ARFGEF1: variants seen among roughly 807,000 people sequenced by gnomAD.
ARFGEF1 encodes the protein brefeldin A-inhibited guanine nucleotide-exchange protein 1.
Under a neutral mutation model 231.0 loss-of-function variants are expected in ARFGEF1, and 42 were observed. The observed-to-expected ratio is 0.18, with a 90% CI of 0.14 to 0.24. The LOEUF (loss-of-function observed/expected upper bound fraction) is 0.24. Among genes scored for constraint, ARFGEF1 ranks in the 10% least tolerant of loss-of-function variants. ARFGEF1 has a pLI of 1.00. For synonymous variants in ARFGEF1, 710 were observed against 732.3 expected (o/e 0.97, Z 0.49); for missense variants, 1,345 against 2,192.0 (o/e 0.61, Z 7.72).
chr8:67,339,546 AT>A (rs1022209505), intron 1 of ARFGEF1, among the ~76,000 whole-genome samples: 3 of 152,096 alleles, frequency 2.0e-5, no homozygotes, highest in South Asian at 2.1e-4. Flanking sequence ...TTCAAGCCCA[AT>A]CCCACAACAA....
In ARFGEF1 at chr8:67,200,461, G is replaced by C; in HGVS notation, c.5320C>G (p.Arg1774Gly). ...YFLTLTSESH[R>G]EAWTNLLLLF... The stretch of plus-strand genomic sequence containing the variant: ...AGCAGTAAGTTAGTCCAGGCTTCTC[G>C]ATGACTTTCTGATGTTAGAGTGAGG... Residue 1774 changes from arginine (R) to glycine (G), a missense_variant, in exon 38 of 39, where the codon CGA becomes GGA. Arg to Gly is a moderately radical substitution (Grantham distance 125, BLOSUM62 -2). This residue lies in a region of ARFGEF1 where 161 missense variants were observed against 284.9 expected (regional missense o/e 0.57). Coordinates refer to ENST00000262215, the MANE Select transcript of ARFGEF1 (RefSeq NM_006421.5). The C allele has an allele frequency of 6.2e-7, 1 of 1,606,978 alleles. No homozygotes were observed. The highest frequency in any genetic ancestry group is 8.5e-7 in the Non-Finnish European group (1 of 1,173,532).
rs1840520441 is a variant in ARFGEF1 at position 67,258,152 on chromosome 8, C to G, written c.2374G>C (p.Gly792Arg). The change falls in exon 16 of 39, where the codon GGG becomes CGG. Residue 792 changes from glycine to arginine, a missense_variant. Transcript: ENST00000262215. ...AATCGATCGATTTTCTGAGCTTCCC[C>G]TGGAAGACGAAATCCTTCTAGAAAC... is the stretch of plus-strand genomic sequence containing the variant. ...RMFLEGFRLP[G>R]EAQKIDRLME... 2 of 1,613,986 alleles carry G rather than the reference C, an allele frequency of 1.2e-6. No individual in the cohort carries two copies. The highest frequency in any genetic ancestry group is 8.5e-7 in the Non-Finnish European group (1 of 1,179,946).
intron 1 of ARFGEF1, among the ~76,000 whole-genome samples, chr8:67,334,762 A>G (rs1177829316): frequency 6.6e-6 from 1 of 152,236 alleles, no homozygotes; most frequent in Non-Finnish European, 1.5e-5. Flanking sequence ...AACTTCATGA[A>G]TGAACCTCAA....
chr8:67,217,524 G>GA (rs1424011812), intron 32 of ARFGEF1, among the ~76,000 whole-genome samples: 16 of 151,974 alleles, frequency 1.1e-4, no homozygotes, highest in Non-Finnish European at 2.1e-4. Context: ...ATAAAAGTCA[G>GA]CAGAATCACT....
At position 67,271,784 on chromosome 8, in the gene ARFGEF1, A is replaced by G; in HGVS notation, c.1490T>C (p.Val497Ala). 1 of 1,613,912 alleles carries G rather than the reference A, an allele frequency of 6.2e-7. No individual in the cohort carries two copies. The highest frequency in any genetic ancestry group is 2.2e-5 in the East Asian group (1 of 44,780). Reference protein sequence around the residue: ...VALSKNGVSSVPEVFELSLSI... With the variant: ...VALSKNGVSSAPEVFELSLSI... Reference sequence around the variant, plus strand: ...AAGAGAAAGCTCAAAAACCTCTGGAACAGATGAGACTCCATTTTTTGAGAG... The same window carrying G: ...AAGAGAAAGCTCAAAAACCTCTGGAGCAGATGAGACTCCATTTTTTGAGAG... Residue 497 changes from valine to alanine, a missense_variant, in exon 10 of 39, where the codon GTT becomes GCT. Val to Ala is a moderately conservative substitution (Grantham distance 64). Transcript: ENST00000262215.
At chr8:67,307,271 G>C (rs2128919291) in intron 1 of ARFGEF1, among the ~76,000 whole-genome samples, 1 of 152,242 alleles carries the variant, frequency 6.6e-6, no homozygotes, top group Non-Finnish European at 1.5e-5. Flanking sequence ...ACTCACAAAG[G>C]AAAATCATCT....
intron 19 of ARFGEF1, among the ~76,000 whole-genome samples, chr8:67,244,035 T>C (rs1840015981): frequency 6.6e-6 from 1 of 150,440 alleles, no homozygotes; most frequent in Non-Finnish European, 1.5e-5. Context: ...AGATCAGGAG[T>C]TTTGAGACCA....
chr8:67,180,521 T>C (rs1832758034), intron 5 of ARFGEF1, among the ~76,000 whole-genome samples: 1 of 152,212 alleles, frequency 6.6e-6, no homozygotes, highest in East Asian at 1.9e-4. Flanking sequence ...TTTGCAGGGG[T>C]AGATACATAC....
intron 6 of ARFGEF1, among the ~76,000 whole-genome samples, chr8:67,289,015 CCTAAGAGAAACTGA>C: frequency 6.6e-6 from 1 of 151,742 alleles, no homozygotes; most frequent in Non-Finnish European, 1.5e-5. Context: ...TTCTGAATAG[CCTAAGAGAAACTGA>C]TGAAATCTGA....
At chr8:67,179,438 T>C (rs1832486080) in intron 5 of ARFGEF1, among the ~76,000 whole-genome samples, 1 of 152,198 alleles carries the variant, frequency 6.6e-6, no homozygotes, top group Non-Finnish European at 1.5e-5. Flanking sequence ...AAATAGTAAG[T>C]GGGCTATACA....
chr8:67,315,226 G>C (rs928829054), intron 1 of ARFGEF1, among the ~76,000 whole-genome samples: 7 of 152,140 alleles, frequency 4.6e-5, no homozygotes, highest in African/African-American at 1.7e-4. Context: ...AATCCTAAAT[G>C]TGTATATAAC....
intron 1 of ARFGEF1, among the ~76,000 whole-genome samples, chr8:67,317,438 G>T (rs1430311567): frequency 6.6e-6 from 1 of 152,084 alleles, no homozygotes; most frequent in African/African-American, 2.4e-5. Flanking sequence ...TTATGATGTA[G>T]TTAGCATCAG....
chr8:67,204,675 C>G lies in ARFGEF1; in HGVS notation c.4959+5G>C. The G allele has an allele frequency of 6.2e-7, 1 of 1,612,442 alleles. No homozygotes were observed. Among genetic ancestry groups the G allele is most frequent in the Non-Finnish European group, 8.5e-7 (1 of 1,179,108 alleles). ...AAAAAAGCAGCTGTCCTCCTATCTC[C>G]TTACCTGTGCTGCAGCTAAGTTTTC... On this transcript the variant is annotated splice_donor_5th_base_variant and intron_variant, in intron 35 of 38. Transcript: ENST00000262215.
intron 22 of ARFGEF1, among the ~76,000 whole-genome samples, chr8:67,236,835 CT>C (rs1839786134): frequency 6.6e-6 from 1 of 152,114 alleles, no homozygotes; most frequent in Admixed American, 6.5e-5. Flanking sequence ...TTCCCTTTTT[CT>C]GAAGGGAGAA....
At chr8:67,197,500 G>A (rs1345799041), downstream of ARFGEF1, 1 of 505,374 alleles carries the variant, frequency 2.0e-6, no homozygotes, top group Non-Finnish European at 2.6e-6. Flanking sequence ...GTATCCTATG[G>A]TAAGTACAGT....
At chr8:67,257,975 A>C in intron 16 of ARFGEF1, 110 bp downstream of exon 16, 3 of 1,198,800 alleles carry the variant, frequency 2.5e-6, no homozygotes, top group Non-Finnish European at 3.5e-6. Flanking sequence ...TAGACAATCT[A>C]AATTCTCTAA....
intron 5 of ARFGEF1, among the ~76,000 whole-genome samples, chr8:67,189,228 A>G (rs1178938267): frequency 6.6e-6 from 1 of 152,182 alleles, no homozygotes; most frequent in East Asian, 1.9e-4. Flanking sequence ...AAAAATAAGC[A>G]TATTCTTACC....
chr8:67,203,456 G>A (rs1263816028), intron 35 of ARFGEF1, among the ~76,000 whole-genome samples: 1 of 152,120 alleles, frequency 6.6e-6, no homozygotes, highest in Non-Finnish European at 1.5e-5. Flanking sequence ...AGACCCTCCT[G>A]GACTCCCAAC....
chr8:67,309,160 G>C (rs1806879848), intron 1 of ARFGEF1, among the ~76,000 whole-genome samples: 2 of 152,156 alleles, frequency 1.3e-5, no homozygotes, highest in Non-Finnish European at 2.9e-5. Context: ...AGTGAAAAAA[G>C]TCAGGCACAG....
Sources: allele counts gnomAD v4.1 joint callset (sites outside exome capture counted in the v4.1 genomes callset), GRCh38; gene constraint gnomAD v4.1.1; regional missense constraint gnomAD v4.1.1; transcripts MANE v1.5; gene names NCBI Gene and HGNC (gene_info 2026-07-23, HGNC 2026-07-21).